Variants in EYA3 observed in about 807,000 individuals in gnomAD.
EYA3 encodes EYA transcriptional coactivator and phosphatase 3.
EYA3 carries 39 observed loss-of-function variants against 80.0 expected under a neutral mutation model. The observed-to-expected ratio is 0.49, with a 90% CI of 0.38 to 0.64. The LOEUF (loss-of-function observed/expected upper bound fraction) is 0.64. Among genes scored for constraint, EYA3 ranks in the 30% least tolerant of loss-of-function variants. EYA3 has a pLI of 0.00. For missense variants in EYA3, 523 were observed against 676.1 expected (o/e 0.77, Z 2.51); for synonymous variants, 206 against 232.8 (o/e 0.88, Z 1.05).
At chr1:28,050,485 A>G (rs989001917) in intron 2 of EYA3, among the ~76,000 whole-genome samples, 1 of 152,078 alleles carries the variant, frequency 6.6e-6, no homozygotes, top group Non-Finnish European at 1.5e-5. Context: ...TACAGGCGTG[A>G]GCCACTGCGC....
At chr1:28,036,638 A>AT (rs1184681175) in intron 5 of EYA3, among the ~76,000 whole-genome samples, 1 of 152,162 alleles carries the variant, frequency 6.6e-6, no homozygotes, top group Non-Finnish European at 1.5e-5. Context: ...TGGTGCCACC[A>AT]TATCAGGGAT....
At chr1:28,072,904 C>T (rs894603575) in intron 1 of EYA3, among the ~76,000 whole-genome samples, 7 of 151,490 alleles carry the variant, frequency 4.6e-5, no homozygotes, top group African/African-American at 1.5e-4. Flanking sequence ...CAGTAAATCA[C>T]AGAACAATCT....
Position 28,058,352 on chromosome 1 carries a change from G to A in EYA3, c.-68-258C>T, listed in dbSNP as rs185154464. Among the ~76,000 whole-genome samples, 218 of 152,260 alleles carry A rather than the reference G, an allele frequency of 1.4e-3. 1 individual carries two copies. Among genetic ancestry groups the A allele is most frequent in the African/African-American group, 4.8e-3 (201 of 41,536 alleles). On this transcript the variant is annotated intron_variant, in intron 1 of 17. Transcript: ENST00000373871. ...TCTGCTGGTTACTATGGTGCCTAAT[G>A]CATTGAACATTTTACAATGACAGCC...
At chr1:28,011,187 G>T in intron 9 of EYA3, 101 bp from the exon 10 acceptor site, 1 of 1,297,414 alleles carries the variant, frequency 7.7e-7, no homozygotes, top group Non-Finnish European at 1.1e-6. Flanking sequence ...GAGTCATAAT[G>T]CAGGGATAAA....
intron 13 of EYA3, among the ~76,000 whole-genome samples, chr1:27,995,534 C>CGAGACA (rs1216605578): frequency 6.7e-6 from 1 of 150,280 alleles, no homozygotes; most frequent in East Asian, 2.0e-4. Context: ...CTCAGGAGTT[C>CGAGACA]GAGACAAGTG....
At chr1:27,977,725 G>A (rs1052517499) in intron 17 of EYA3, among the ~76,000 whole-genome samples, 2 of 152,026 alleles carry the variant, frequency 1.3e-5, no homozygotes, top group Non-Finnish European at 2.9e-5. Flanking sequence ...GCGGGTGCCT[G>A]TAGTCCCAGC....
At chr1:28,029,220 A>T (rs554986700) in intron 6 of EYA3, among the ~76,000 whole-genome samples, 1 of 152,344 alleles carries the variant, frequency 6.6e-6, no homozygotes, top group East Asian at 1.9e-4. Context: ...CTGAGCAAGG[A>T]GGAAATAGCA....
chr1:28,072,715 T>A (rs927857441), intron 1 of EYA3, among the ~76,000 whole-genome samples: 1 of 152,070 alleles, frequency 6.6e-6, no homozygotes, highest in African/African-American at 2.4e-5. Context: ...AATCCTTCAA[T>A]CCCATTCCGA....
chr1:28,070,455 C>T (rs760820615), intron 1 of EYA3, among the ~76,000 whole-genome samples: 7 of 151,834 alleles, frequency 4.6e-5, no homozygotes, highest in Non-Finnish European at 7.4e-5. Flanking sequence ...CCAGCTACTC[C>T]GGAGGCTGAG....
At chr1:28,049,404 G>A (rs1644156392) in intron 2 of EYA3, among the ~76,000 whole-genome samples, 1 of 151,874 alleles carries the variant, frequency 6.6e-6, no homozygotes, top group South Asian at 2.1e-4. Flanking sequence ...AAGAAACAAA[G>A]GCAATTTAAA....
In EYA3 at chr1:28,088,507, T is replaced by C. The variant is rs2050788; in HGVS notation, c.-69+17A>G. 11,446 of 153,326 alleles carry C rather than the reference T, an allele frequency of 0.075. 800 individuals are homozygous for C. The highest frequency in any genetic ancestry group is 0.25 in the East Asian group (1,321 of 5,190). 9.5% of individuals were successfully genotyped at this position (153,326 alleles called of 1,614,324 possible). A position where few individuals can be genotyped will look rare whatever the true frequency, so the allele number is the denominator to read the frequency against. On this transcript the variant is annotated intron_variant, in intron 1 of 17. Coordinates refer to ENST00000373871, the MANE Select transcript of EYA3 (RefSeq NM_001990.4). ...TCGCCCGGCTGCGCTCAGACCCTGT[T>C]GGCAGCTGAGACTCACCCAAAGGCT...
At chr1:27,979,768 TA>T (rs1197888030) in intron 16 of EYA3, among the ~76,000 whole-genome samples, 3 of 152,196 alleles carry the variant, frequency 2.0e-5, no homozygotes, top group Admixed American at 1.3e-4. Flanking sequence ...GGTTCCTGTG[TA>T]AATAAGATAA....
At chr1:27,986,263 G>A (rs1050854471) in intron 16 of EYA3, among the ~76,000 whole-genome samples, 1 of 151,824 alleles carries the variant, frequency 6.6e-6, no homozygotes, top group Non-Finnish European at 1.5e-5. Context: ...TACTTGGGAC[G>A]CTGAGGCAAG....
In EYA3 at chr1:27,974,423, G is replaced by C. The variant is rs754637242; in HGVS notation, c.*43C>G. ...TGGTTCCAGTCTCCAGCTCCCTTCA[G>C]GAGTGAAAAGGAGCTCAAGGGGAAG... On this transcript the variant is annotated 3_prime_UTR_variant, in exon 18 of 18. Coordinates refer to ENST00000373871, the MANE Select transcript of EYA3 (RefSeq NM_001990.4). 1.8e-5 allele frequency: 27 copies of C among 1,497,680 alleles called. No homozygotes were observed. Among genetic ancestry groups the C allele is most frequent in the Non-Finnish European group, 2.5e-5 (27 of 1,078,540 alleles). The allele number at this position is 1,497,680 out of a possible 1,614,324, so 92.8% of individuals were successfully genotyped here. A position where few individuals can be genotyped will look rare whatever the true frequency, so the allele number is the denominator to read the frequency against.
At chr1:28,076,886 A>C (rs1645232512) in intron 1 of EYA3, among the ~76,000 whole-genome samples, 1 of 139,872 alleles carries the variant, frequency 7.1e-6, no homozygotes, top group Non-Finnish European at 1.6e-5. Context: ...GATTACAGGC[A>C]TGCGCCACCA....
intron 3 of EYA3, among the ~76,000 whole-genome samples, chr1:28,043,911 A>C (rs913385112): frequency 3.3e-5 from 5 of 152,222 alleles, no homozygotes; most frequent in Non-Finnish European, 2.9e-5. Context: ...CTAAACCCTT[A>C]AGATTCATTC....
intron 4 of EYA3, among the ~76,000 whole-genome samples, chr1:28,042,224 A>T (rs1182057747): frequency 1.3e-5 from 2 of 152,232 alleles, no homozygotes; most frequent in Admixed American, 6.5e-5. Context: ...TTTAAAAAAA[A>T]GTTACACCTT....
At chr1:28,070,472 G>T (rs556638027) in intron 1 of EYA3, among the ~76,000 whole-genome samples, 1 of 152,184 alleles carries the variant, frequency 6.6e-6, no homozygotes, top group South Asian at 2.1e-4. Flanking sequence ...TGAGGCAGAA[G>T]AATCACTTGA....
At chr1:28,047,267 G>T (rs924202340) in intron 3 of EYA3, among the ~76,000 whole-genome samples, 2 of 151,986 alleles carry the variant, frequency 1.3e-5, no homozygotes, top group African/African-American at 4.8e-5. Context: ...CAAGTAGCTG[G>T]GATTATAGGC....
Sources: gnomAD v4.1 joint callset for allele counts (sites outside exome capture counted in the v4.1 genomes callset) on GRCh38, gnomAD v4.1.1 for gene constraint, MANE v1.5 for transcripts, NCBI Gene and HGNC (gene_info 2026-07-23, HGNC 2026-07-21) for gene names.